Variants in FRAS1 observed in about 807,000 individuals in gnomAD.
The protein encoded by FRAS1 is Fraser extracellular matrix complex subunit 1.
A neutral mutation model predicts 435.2 loss-of-function variants in FRAS1; 290 were observed. That is an observed-to-expected ratio of 0.67 (90% CI 0.61 to 0.73). The LOEUF (loss-of-function observed/expected upper bound fraction) is 0.73. Ranked by LOEUF, FRAS1 falls within the 30% of genes least tolerant of loss-of-function variation. FRAS1 has a pLI of 0.00. For missense variants in FRAS1, 4,860 were observed against 5,001.5 expected (o/e 0.97, Z 0.85); for synonymous variants, 1,800 against 1,851.0 (o/e 0.97, Z 0.71).
intron 61 of FRAS1, among the ~76,000 whole-genome samples, chr4:78,503,171 A>T (rs1720732345): frequency 6.6e-6 from 1 of 152,074 alleles, no homozygotes; most frequent in Non-Finnish European, 1.5e-5. Context: ...TTGGTCTAAA[A>T]ATCTCTTTTC....
intron 52 of FRAS1, among the ~76,000 whole-genome samples, chr4:78,473,096 A>G (rs1019196231): frequency 2.6e-5 from 4 of 152,276 alleles, no homozygotes; most frequent in Admixed American, 6.5e-5. Flanking sequence ...GATGGAGTCA[A>G]AGACTTTCCT....
chr4:78,294,377 C>T (rs985657534), intron 14 of FRAS1, among the ~76,000 whole-genome samples: 1 of 152,156 alleles, frequency 6.6e-6, no homozygotes, highest in African/African-American at 2.4e-5. Context: ...GGAGGGAACA[C>T]AGGGAGTCCT....
At chr4:78,492,639 A>G (rs1720386695) in intron 59 of FRAS1, among the ~76,000 whole-genome samples, 1 of 152,216 alleles carries the variant, frequency 6.6e-6, no homozygotes, top group Admixed American at 6.5e-5. Flanking sequence ...TTATACAAAA[A>G]TTAACTCAGG....
Position 78,439,054 on chromosome 4 carries a change from A to T in FRAS1, c.5519A>T (p.Asp1840Val). Residue 1840 changes from aspartate (D) to valine (V), a missense_variant, in exon 40 of 74, where the codon GAC (aspartate) becomes GTC (valine). Transcript: ENST00000512123. ...CCACCTCCAGTCATTGCTTTTGCTG[A>T]CCTTATCACGGTAAACAATTCTCAG... ...ENPPPVIAFA[D>V]LITVDEGGRA... 3 of 1,612,876 alleles carry T rather than the reference A, an allele frequency of 1.9e-6. No homozygotes were observed. Among genetic ancestry groups the T allele is most frequent in the Non-Finnish European group, 1.7e-6 (2 of 1,179,412 alleles).
chr4:78,294,010 G>T (rs745773974), intron 14 of FRAS1, among the ~76,000 whole-genome samples: 1 of 152,180 alleles, frequency 6.6e-6, no homozygotes, highest in Non-Finnish European at 1.5e-5. Context: ...AAGTATTTCA[G>T]CTATGGATTA....
At chr4:78,153,539 C>T (rs904430821) in intron 2 of FRAS1, among the ~76,000 whole-genome samples, 1 of 152,158 alleles carries the variant, frequency 6.6e-6, no homozygotes, top group Admixed American at 6.6e-5. Context: ...TCTGACTGCT[C>T]AACAAACCTC....
intron 6 of FRAS1, among the ~76,000 whole-genome samples, chr4:78,263,328 A>C (rs1372404727): frequency 6.6e-6 from 1 of 152,168 alleles, no homozygotes; most frequent in African/African-American, 2.4e-5. Flanking sequence ...TTTTGAAGAA[A>C]GATTCTGTTT....
At chr4:78,486,041 C>T (rs774054429) in intron 58 of FRAS1, among the ~76,000 whole-genome samples, 9 of 152,300 alleles carry the variant, frequency 5.9e-5, no homozygotes, top group Admixed American at 1.3e-4. Context: ...GAATTAGACT[C>T]GGGCTTGGGC....
chr4:78,278,934 G>A (rs1300490923), intron 10 of FRAS1, among the ~76,000 whole-genome samples, 190 bp downstream of exon 10: 2 of 152,140 alleles, frequency 1.3e-5, no homozygotes, highest in African/African-American at 2.4e-5. Context: ...TCTTGGTAGG[G>A]CATACTTTGT....
chr4:78,522,620 T>A lies in FRAS1; in HGVS notation c.10649-29T>A, dbSNP rs931604. 1,566,317 of 1,571,826 alleles carry A rather than the reference T, an allele frequency of 1. 780,470 individuals carry two copies. The highest frequency in any genetic ancestry group is 1 in the East Asian group (43,748 of 43,748). ...AAACTAAAGCTCTACCACAAGTACA[T>A]TAAATGCATGTGTTTCCCCTTCAAA... On this transcript the variant is annotated intron_variant, in intron 68 of 73. Coordinates refer to ENST00000512123, the MANE Select transcript of FRAS1 (RefSeq NM_025074.7).
chr4:78,115,716 C>A (rs1243292365), intron 2 of FRAS1, among the ~76,000 whole-genome samples: 1 of 152,010 alleles, frequency 6.6e-6, no homozygotes, highest in Admixed American at 6.6e-5. Flanking sequence ...TGATTCTTCT[C>A]TCTTTTCTTC....
intron 2 of FRAS1, among the ~76,000 whole-genome samples, chr4:78,160,267 C>G (rs1289494565): frequency 2.6e-5 from 4 of 152,190 alleles, no homozygotes; most frequent in Admixed American, 2.0e-4. Flanking sequence ...TGCAAGAGTT[C>G]CATAAGTTAC....
At chr4:78,148,108 T>G (rs1049349508) in intron 2 of FRAS1, among the ~76,000 whole-genome samples, 4 of 152,138 alleles carry the variant, frequency 2.6e-5, no homozygotes, top group African/African-American at 9.7e-5. Flanking sequence ...GAGAACAGCT[T>G]CTAGAAATGA....
chr4:78,255,126 A>G, intron 5 of FRAS1, 116 bp from the exon 6 acceptor site: 14 of 914,068 alleles, frequency 1.5e-5, no homozygotes, highest in Non-Finnish European at 2.4e-5. Flanking sequence ...CAAATGCAGG[A>G]CCTCCTTCTG....
rs189467943 is a variant in FRAS1 at position 78,177,792 on chromosome 4, A to G, written c.109-59718A>G. Among the ~76,000 whole-genome samples, 4 of 152,146 alleles carry G rather than the reference A, an allele frequency of 2.6e-5. No individual in the cohort carries two copies. The East Asian group carries it at 7.7e-4, about 29-fold the overall frequency. ...CACCTTTTACCTTCCCTCCCCTTAC[A>G]TACGGATTGGATTGAACACTGTGTA... On this transcript the variant is annotated intron_variant, in intron 2 of 73. Transcript: ENST00000512123.
intron 64 of FRAS1, among the ~76,000 whole-genome samples, chr4:78,512,295 C>A (rs1400122113): frequency 6.6e-6 from 1 of 152,064 alleles, no homozygotes; most frequent in Non-Finnish European, 1.5e-5. Context: ...AAATGAGTTC[C>A]TTTGTATGAA....
chr4:78,446,924 C>A (rs533764745), intron 43 of FRAS1, 44 bp downstream of exon 43: 67 of 1,545,700 alleles, frequency 4.3e-5, no homozygotes, highest in Admixed American at 1.6e-4. Flanking sequence ...TTGAGATGCC[C>A]GATGGGCTGT....
At chr4:78,067,767 C>T (rs1353859449) in intron 2 of FRAS1, among the ~76,000 whole-genome samples, 1 of 148,266 alleles carries the variant, frequency 6.7e-6, no homozygotes, top group African/African-American at 2.5e-5. Context: ...GATCTTGGCT[C>T]ACTGCAACCT....
At chr4:78,280,134 A>G (rs907200408) in intron 10 of FRAS1, among the ~76,000 whole-genome samples, 1 of 152,202 alleles carries the variant, frequency 6.6e-6, no homozygotes, top group Non-Finnish European at 1.5e-5. Flanking sequence ...TTTTCTTATT[A>G]AGTCAAGAAC....
Sources: allele counts gnomAD v4.1 joint callset (sites outside exome capture counted in the v4.1 genomes callset), GRCh38; gene constraint gnomAD v4.1.1; transcripts MANE v1.5; gene names NCBI Gene and HGNC (gene_info 2026-07-23, HGNC 2026-07-21).